NRG3: variants seen among roughly 807,000 people sequenced by gnomAD.
NRG3 encodes the protein pro-neuregulin-3, membrane-bound isoform.
In NRG3, 31 loss-of-function variants were observed where a neutral mutation model predicts 66.9. The ratio of observed to expected loss-of-function variants is 0.46; its 90% CI spans 0.35 to 0.63. NRG3 has a LOEUF of 0.63. Ranked by LOEUF, NRG3 falls within the 20% of genes least tolerant of loss-of-function variation. The pLI, the probability that NRG3 is intolerant of heterozygous loss-of-function variation, is 0.00. For synonymous variants in NRG3, 393 were observed against 359.4 expected (o/e 1.09, Z -1.06); for missense variants, 910 against 878.9 (o/e 1.04, Z -0.45).
intron 1 of NRG3, among the ~76,000 whole-genome samples, chr10:82,110,158 T>C (rs185853482): frequency 6.6e-6 from 1 of 152,222 alleles, no homozygotes; most frequent in East Asian, 1.9e-4. Context: ...AGGAATAACC[T>C]CGTTTTGCCA....
rs1430718459 is a variant in NRG3 at position 82,101,020 on chromosome 10, T to C, written c.823+224857T>C. ...TTTTTAACACACATTAGTTCTTTAG[T>C]AGATATAGAACTCTTCAGGTTATCT... On this transcript the variant is annotated intron_variant, in intron 1 of 8. Coordinates refer to ENST00000372141, the MANE Select transcript of NRG3 (RefSeq NM_001010848.4). 2.6e-5 allele frequency among the ~76,000 whole-genome samples: 4 copies of C among 152,060 alleles called. No homozygotes were observed. In the South Asian group the frequency reaches 6.2e-4, roughly 24 times the overall value.
chr10:82,608,058 A>C (rs1590855871), intron 2 of NRG3, among the ~76,000 whole-genome samples: 1 of 151,822 alleles, frequency 6.6e-6, no homozygotes, highest in Non-Finnish European at 1.5e-5. Context: ...TATAGATCTC[A>C]GTTTCTGACT....
intron 1 of NRG3, among the ~76,000 whole-genome samples, chr10:82,125,759 C>A (rs1321307123): frequency 6.6e-6 from 1 of 151,920 alleles, no homozygotes; most frequent in Non-Finnish European, 1.5e-5. Flanking sequence ...CTTCCAATGT[C>A]CCCGGCTCAC....
chr10:82,263,748 C>A lies in NRG3; in HGVS notation c.824-94991C>A, dbSNP rs953758235. 2.0e-5 allele frequency among the ~76,000 whole-genome samples: 3 copies of A among 152,064 alleles called. No individual in the cohort carries two copies. In the South Asian group the frequency reaches 6.2e-4, roughly 32 times the overall value. On this transcript the variant is annotated intron_variant, in intron 1 of 8. Coordinates refer to ENST00000372141, the MANE Select transcript of NRG3 (RefSeq NM_001010848.4). Reference sequence around the variant, plus strand: ...CCCTTTCCCAAGGGATGACATGTAGCCATTTATTTCAATAAGAAACTCCAA... The same window carrying A: ...CCCTTTCCCAAGGGATGACATGTAGACATTTATTTCAATAAGAAACTCCAA...
intron 1 of NRG3, among the ~76,000 whole-genome samples, chr10:82,272,332 G>A (rs1036675137): frequency 6.6e-6 from 1 of 152,044 alleles, no homozygotes; most frequent in Non-Finnish European, 1.5e-5. Flanking sequence ...GTTTGGAAAG[G>A]AGTGTTAAAA....
chr10:82,545,479 C>A (rs2043834122), intron 2 of NRG3, among the ~76,000 whole-genome samples: 1 of 150,304 alleles, frequency 6.7e-6, no homozygotes, highest in Non-Finnish European at 1.5e-5. Flanking sequence ...CCCGGGTTCA[C>A]GCCATTCTCC....
intron 2 of NRG3, among the ~76,000 whole-genome samples, chr10:82,482,415 T>G (rs1380677980): frequency 1.3e-5 from 2 of 152,152 alleles, no homozygotes; most frequent in Non-Finnish European, 2.9e-5. Flanking sequence ...TGACCCCCTT[T>G]TCCAGTATTG....
At chr10:82,107,594 G>C (rs1400359516) in intron 1 of NRG3, among the ~76,000 whole-genome samples, 1 of 152,166 alleles carries the variant, frequency 6.6e-6, no homozygotes, top group African/African-American at 2.4e-5. Context: ...AGCAGAACTA[G>C]GATTCAGATG....
chr10:82,802,438 G>A (rs2061083445), intron 3 of NRG3, among the ~76,000 whole-genome samples: 1 of 152,116 alleles, frequency 6.6e-6, no homozygotes, highest in Non-Finnish European at 1.5e-5. Flanking sequence ...TCAAATTGGT[G>A]AGCTCAGGTT....
chr10:81,906,349 A>G (rs1471509106), intron 1 of NRG3, among the ~76,000 whole-genome samples: 2 of 152,192 alleles, frequency 1.3e-5, no homozygotes, highest in African/African-American at 4.8e-5. Flanking sequence ...CTGAATCACA[A>G]TTGTTATTTC....
intron 1 of NRG3, among the ~76,000 whole-genome samples, chr10:81,898,747 A>G (rs1843752226): frequency 6.6e-6 from 1 of 151,774 alleles, no homozygotes; most frequent in East Asian, 1.9e-4. Context: ...ATTTGAAAAG[A>G]TTTGCTGACA....
chr10:81,940,740 T>G (rs988906935), intron 1 of NRG3, among the ~76,000 whole-genome samples: 14 of 151,802 alleles, frequency 9.2e-5, no homozygotes, highest in Admixed American at 4.6e-4. Flanking sequence ...CAATTCCAGG[T>G]ATCGTGCACC....
At chr10:82,052,465 C>G (rs12780460) in intron 1 of NRG3, among the ~76,000 whole-genome samples, 36,611 of 152,040 alleles carry the variant, frequency 0.24, 4,532 homozygotes, top group Middle Eastern at 0.33. Context: ...CATTTCTGTG[C>G]CCAAGGAGCT....
At chr10:82,832,701 G>T (rs1227817981) in intron 3 of NRG3, among the ~76,000 whole-genome samples, 1 of 151,996 alleles carries the variant, frequency 6.6e-6, no homozygotes, top group Admixed American at 6.6e-5. Context: ...ATATTATTCT[G>T]CCAAGATAAA....
chr10:82,398,913 C>G (rs1249412846), intron 2 of NRG3, among the ~76,000 whole-genome samples: 1 of 152,114 alleles, frequency 6.6e-6, no homozygotes, highest in Non-Finnish European at 1.5e-5. Context: ...TTCTCACCCC[C>G]ACTTAAGTAC....
chr10:82,366,227 G>A (rs750378259), intron 2 of NRG3, among the ~76,000 whole-genome samples: 2 of 152,186 alleles, frequency 1.3e-5, no homozygotes, highest in Non-Finnish European at 1.5e-5. Context: ...CTATGACTGT[G>A]AAATAGATAC....
intron 2 of NRG3, among the ~76,000 whole-genome samples, chr10:82,671,441 C>T (rs891244881): frequency 6.6e-6 from 1 of 152,164 alleles, no homozygotes; most frequent in Admixed American, 6.5e-5. Context: ...AGCAGATTGC[C>T]TTGAAAGTCT....
At chr10:82,649,883 G>T (rs1333812898) in intron 2 of NRG3, among the ~76,000 whole-genome samples, 1 of 152,128 alleles carries the variant, frequency 6.6e-6, no homozygotes, top group Non-Finnish European at 1.5e-5. Flanking sequence ...ATTTTTTGTA[G>T]TTCTCAGTGG....
intron 2 of NRG3, among the ~76,000 whole-genome samples, chr10:82,587,717 A>G (rs2046755183): frequency 6.6e-6 from 1 of 152,284 alleles, no homozygotes; most frequent in African/African-American, 2.4e-5. Context: ...TGAATCAGAG[A>G]GCACAGGGGT....
Sources: allele counts gnomAD v4.1 joint callset (sites outside exome capture counted in the v4.1 genomes callset), GRCh38; gene constraint gnomAD v4.1.1; transcripts MANE v1.5; gene names NCBI Gene and HGNC (gene_info 2026-07-23, HGNC 2026-07-21).